Variants in ZNF491 observed in about 807,000 individuals in gnomAD.
ZNF491 encodes zinc finger protein 491.
In ZNF491, 22 loss-of-function variants were observed where a neutral mutation model predicts 34.7. The observed-to-expected ratio is 0.63, with a 90% CI of 0.45 to 0.90. ZNF491 has a LOEUF of 0.90. Ranked by LOEUF, ZNF491 falls within the 40% of genes least tolerant of loss-of-function variation. ZNF491 has a pLI of 0.00. For synonymous variants in ZNF491, 148 were observed against 174.3 expected (o/e 0.85, Z 1.19); for missense variants, 559 against 531.7 (o/e 1.05, Z -0.51).
chr19:11,803,398 A>G (rs1975576138), intron 1 of ZNF491, among the ~76,000 whole-genome samples: 1 of 152,198 alleles, frequency 6.6e-6, no homozygotes, highest in African/African-American at 2.4e-5. Flanking sequence ...TTACATAACC[A>G]TGGTCCAACA....
intron 1 of ZNF491, among the ~76,000 whole-genome samples, chr19:11,800,213 A>T (rs1975543927): frequency 6.6e-6 from 1 of 152,162 alleles, no homozygotes; most frequent in Admixed American, 6.5e-5. Flanking sequence ...GCTCTGCAGG[A>T]AAAGGCCAAA....
rs1975625818 is a variant in ZNF491 at position 11,807,072 on chromosome 19, T to A, written c.1119T>A (p.His373Gln). ...ATTGTGTCAGCTCCTTTCATAGACA[T>A]GAAAGGACTCACGCTGGAGAAAAAC... is the stretch of plus-strand genomic sequence containing the variant. ...AFHCVSSFHR[H>Q]ERTHAGEKPY... The change falls in exon 3 of 3, where the codon CAT becomes CAA. Residue 373 changes from histidine (H) to glutamine (Q), a missense_variant. By Grantham distance (24) the His-to-Gln change is conservative (BLOSUM62 0). Coordinates refer to ENST00000323169, the MANE Select transcript of ZNF491 (RefSeq NM_152356.4). The A allele has an allele frequency of 6.2e-7, 1 of 1,608,908 alleles. No individual in the cohort carries two copies. Among genetic ancestry groups the A allele is most frequent in the Non-Finnish European group, 8.5e-7 (1 of 1,178,286 alleles).
In ZNF491 at chr19:11,807,366, C is replaced by A; in HGVS notation, c.*99C>A. 1 of 816,514 alleles carries A rather than the reference C, an allele frequency of 1.2e-6. No individual in the cohort carries two copies. Among genetic ancestry groups the A allele is most frequent in the Non-Finnish European group, 1.8e-6 (1 of 548,756 alleles). The allele number at this position is 816,514 out of a possible 1,614,324, so 50.6% of individuals were successfully genotyped here. On this transcript the variant is annotated 3_prime_UTR_variant, in exon 3 of 3. Transcript: ENST00000323169. ...TCCTGGCCTCAAGCATCCCTCCCAG[C>A]TTGAAGTGTCAATAAAGGAAGGCAA... is the stretch of plus-strand genomic sequence containing the variant.
rs540569231 is a variant in ZNF491, at chr19:11,807,376, C to T, written c.*109C>T. The T allele has an allele frequency of 2.7e-6, 2 of 751,632 alleles. No individual in the cohort carries two copies. The highest frequency in any genetic ancestry group is 5.7e-5 in the East Asian group (2 of 34,810). 46.6% of individuals were successfully genotyped at this position (751,632 alleles called of 1,614,324 possible). ...AAGCATCCCTCCCAGCTTGAAGTGT[C>T]AATAAAGGAAGGCAATAAAATGTAG... On this transcript the variant is annotated 3_prime_UTR_variant, in exon 3 of 3. Coordinates refer to ENST00000323169, the MANE Select transcript of ZNF491 (RefSeq NM_152356.4).
rs542915207 is a variant in ZNF491, at chr19:11,804,304, C to T, written c.-133-238C>T. On this transcript the variant is annotated intron_variant, in intron 1 of 2. Transcript: ENST00000323169. ...ACTCCATCCTCTTGCTGTGTCCTCA[C>T]GTGGCAGAAGGCTACATTTTCCTAT... Among the ~76,000 whole-genome samples, 28 of 151,990 alleles carry T rather than the reference C, an allele frequency of 1.8e-4. 1 individual carries two copies. In the South Asian group the frequency reaches 5.2e-3, roughly 28 times the overall value.
At chr19:11,805,502 T>C (rs769386494) in intron 2 of ZNF491, among the ~76,000 whole-genome samples, 1 of 151,848 alleles carries the variant, frequency 6.6e-6, no homozygotes, top group South Asian at 2.1e-4. Context: ...GTGTGATCCA[T>C]TCATGTTTAA....
At chr19:11,800,843 C>G (rs777787050) in intron 1 of ZNF491, among the ~76,000 whole-genome samples, 1 of 151,348 alleles carries the variant, frequency 6.6e-6, no homozygotes, top group Non-Finnish European at 1.5e-5. Flanking sequence ...GGCAGGGCAA[C>G]ATAGCAAGAT....
intron 1 of ZNF491, among the ~76,000 whole-genome samples, chr19:11,803,051 GGCT>G (rs1464736540): frequency 2.7e-5 from 4 of 148,110 alleles, no homozygotes; most frequent in Non-Finnish European, 5.9e-5. Context: ...GCTCTCTCTT[GGCT>G]CACTGCAACC....
At chr19:11,799,483 T>A (rs1019534234) in intron 1 of ZNF491, among the ~76,000 whole-genome samples, 1 of 68,260 alleles carries the variant, frequency 1.5e-5, no homozygotes, top group African/African-American at 6.7e-5. Flanking sequence ...CCCGCCCCCC[T>A]CCCCCCGCCC....
At chr19:11,804,851 A>AT (rs950317587) in intron 2 of ZNF491, among the ~76,000 whole-genome samples, 184 bp downstream of exon 2, 28 of 152,192 alleles carry the variant, frequency 1.8e-4, no homozygotes, top group Admixed American at 1.8e-3. Flanking sequence ...ATTCAGGACT[A>AT]TTTTTTAGGG....
In ZNF491 at chr19:11,806,300, C is replaced by T. The variant is rs746057286; in HGVS notation, c.347C>T (p.Ala116Val). The T allele has an allele frequency of 3.1e-6, 5 of 1,605,112 alleles. No individual in the cohort carries two copies. The Admixed American group carries it at 7.0e-5, about 22-fold the overall frequency. ...KECEKSFISP[A>V]SIRRYMVTHS... ...TGTGAAAAATCTTTCATTTCTCCTG[C>T]AAGCATTCGAAGATATATGGTAACG... The change falls in exon 3 of 3, where the codon GCA (alanine) becomes GTA (valine). Residue 116 changes from alanine (A) to valine (V), a missense_variant. Physicochemically the swap from Ala to Val is moderately conservative, Grantham distance 64. Coordinates refer to ENST00000323169, the MANE Select transcript of ZNF491 (RefSeq NM_152356.4).
Position 11,807,107 on chromosome 19 carries a change from G to C in ZNF491, c.1154G>C (p.Cys385Ser), listed in dbSNP as rs148440087. 6.2e-7 allele frequency: 1 copy of C among 1,611,878 alleles called. No homozygotes were observed. The highest frequency in any genetic ancestry group is 1.7e-5 in the Admixed American group (1 of 59,414). The change falls in exon 3 of 3, where the codon TGT (cysteine) becomes TCT (serine). Residue 385 changes from cysteine to serine, a missense_variant. Coordinates refer to ENST00000323169, the MANE Select transcript of ZNF491 (RefSeq NM_152356.4). ...CACGCTGGAGAAAAACCTTATGAATGTAAGCATTGTGGGAAAGCCTTCACT... is the reference window on the plus strand; with the variant it reads ...CACGCTGGAGAAAAACCTTATGAATCTAAGCATTGTGGGAAAGCCTTCACT... Reference protein sequence around the residue: ...RTHAGEKPYECKHCGKAFTCS... With the variant: ...RTHAGEKPYESKHCGKAFTCS...
At chr19:11,805,285 T>C (rs560312839) in intron 2 of ZNF491, among the ~76,000 whole-genome samples, 7 of 151,964 alleles carry the variant, frequency 4.6e-5, no homozygotes, top group Non-Finnish European at 8.8e-5. Context: ...GGCACATGCC[T>C]GTAATCCCAG....
chr19:11,806,974 T>C lies in ZNF491; in HGVS notation c.1021T>C (p.Tyr341His). The C allele has an allele frequency of 6.2e-7, 1 of 1,613,238 alleles. No individual in the cohort carries two copies. The part of the protein sequence containing the change: ...QCGKAFRSAK[Y>H]IRIHGRTHTG... ...TGGGAAAGCCTTCAGATCTGCCAAG[T>C]ACATTCGAATACATGGAAGGACTCA... is the stretch of plus-strand genomic sequence containing the variant. The change falls in exon 3 of 3, where the codon TAC (tyrosine) becomes CAC (histidine). Residue 341 changes from tyrosine to histidine, a missense_variant. Transcript: ENST00000323169.
In ZNF491 at chr19:11,806,309, G is replaced by C. The variant is rs144399257; in HGVS notation, c.356G>C (p.Arg119Pro). Residue 119 changes from arginine (R) to proline (P), a missense_variant, in exon 3 of 3, where the codon CGA (arginine) becomes CCA (proline). By Grantham distance (103) the Arg-to-Pro change is moderately radical. Transcript: ENST00000323169. ...EKSFISPASI[R>P]RYMVTHSGDG... ...TCTTTCATTTCTCCTGCAAGCATTC[G>C]AAGATATATGGTAACGCACAGTGGA... is the stretch of plus-strand genomic sequence containing the variant. 3 of 1,605,244 alleles carry C rather than the reference G, an allele frequency of 1.9e-6. No individual in the cohort carries two copies. The South Asian group carries it at 3.4e-5, about 18-fold the overall frequency.
In ZNF491 at chr19:11,807,517, G is replaced by A; in HGVS notation, c.*250G>A. 1 of 382,434 alleles carries A rather than the reference G, an allele frequency of 2.6e-6. No homozygotes were observed. The highest frequency in any genetic ancestry group is 4.8e-6 in the Non-Finnish European group (1 of 206,244). The allele number at this position is 382,434 out of a possible 1,614,324, so 23.7% of individuals were successfully genotyped here. Reference sequence around the variant, plus strand: ...ATTTTAGAGCCAGCCAAATTCACATGGGCTGTGTGGCCCCCTGATTCTAGC... The same window carrying A: ...ATTTTAGAGCCAGCCAAATTCACATAGGCTGTGTGGCCCCCTGATTCTAGC... On this transcript the variant is annotated 3_prime_UTR_variant, in exon 3 of 3. Coordinates refer to ENST00000323169, the MANE Select transcript of ZNF491 (RefSeq NM_152356.4).
Position 11,807,152 on chromosome 19 carries a change from T to C in ZNF491, c.1199T>C (p.Ile400Thr). 1.9e-6 allele frequency: 3 copies of C among 1,602,602 alleles called. No individual in the cohort carries two copies. Among genetic ancestry groups the C allele is most frequent in the Non-Finnish European group, 2.6e-6 (3 of 1,175,338 alleles). ...TTCACTTGTTCCATATATATTAGAA[T>C]ACATGAAAGAATTCACACTGGAGAG... The part of the protein sequence containing the change: ...KAFTCSIYIR[I>T]HERIHTGEKP... The change falls in exon 3 of 3, where the codon ATA (isoleucine) becomes ACA (threonine). Residue 400 changes from isoleucine to threonine, a missense_variant. Coordinates refer to ENST00000323169, the MANE Select transcript of ZNF491 (RefSeq NM_152356.4).
Position 11,806,512 on chromosome 19 carries a change from T to C in ZNF491, c.559T>C (p.Tyr187His), listed in dbSNP as rs373619890. 2.0e-5 allele frequency: 33 copies of C among 1,613,952 alleles called. No individual in the cohort carries two copies. Among genetic ancestry groups the C allele is most frequent in the Middle Eastern group, 1.6e-4 (1 of 6,084 alleles). Reference sequence around the variant, plus strand: ...AAGAACTCACACTGGGGAGAAGCCATATGAATGTAAGGAGTGTGGGAAATC... The same window carrying C: ...AAGAACTCACACTGGGGAGAAGCCACATGAATGTAAGGAGTGTGGGAAATC... ...HERTHTGEKP[Y>H]ECKECGKSFN... Residue 187 changes from tyrosine (Y) to histidine (H), a missense_variant, in exon 3 of 3, where the codon TAT becomes CAT. Tyr to His is a moderately conservative substitution (Grantham distance 83). Transcript: ENST00000323169.
rs1263024693 is a variant in ZNF491, at chr19:11,806,395, A to C, written c.442A>C (p.Thr148Pro). The C allele has an allele frequency of 6.2e-7, 1 of 1,613,562 alleles. No individual in the cohort carries two copies. The highest frequency in any genetic ancestry group is 2.2e-5 in the East Asian group (1 of 44,876). The change falls in exon 3 of 3, where the codon ACC becomes CCC. Residue 148 changes from threonine to proline, a missense_variant. Physicochemically the swap from Thr to Pro is conservative, Grantham distance 38 (BLOSUM62 -1). Coordinates refer to ENST00000323169, the MANE Select transcript of ZNF491 (RefSeq NM_152356.4). ...KALDCLSLYL[T>P]HERTHTGEKR... Reference sequence around the variant, plus strand: ...CTTGGATTGTCTCAGTTTATACCTTACCCATGAACGAACTCACACTGGAGA... The same window carrying C: ...CTTGGATTGTCTCAGTTTATACCTTCCCCATGAACGAACTCACACTGGAGA...
Sources: allele counts gnomAD v4.1 joint callset (sites outside exome capture counted in the v4.1 genomes callset), GRCh38; gene constraint gnomAD v4.1.1; transcripts MANE v1.5; gene names NCBI Gene and HGNC (gene_info 2026-07-23, HGNC 2026-07-21).